The following ANK2 variants were observed in gnomAD, a reference collection of about 807,000 sequenced individuals.
ANK2 encodes the protein ankyrin 2.
A neutral mutation model predicts 360.5 loss-of-function variants in ANK2; 83 were observed. That is an observed-to-expected ratio of 0.23 (90% CI 0.19 to 0.28). The LOEUF (loss-of-function observed/expected upper bound fraction) is 0.28, where lower values mean the gene tolerates loss of function less well. Ranked by LOEUF, ANK2 falls within the 10% of genes least tolerant of loss-of-function variation. The probability of loss-of-function intolerance (pLI) is 1.00; values close to 1 mark genes in which losing one functional copy is unlikely to be tolerated. For synonymous variants in ANK2, 1,740 were observed against 1,759.5 expected (o/e 0.99, Z 0.28); for missense variants, 4,201 against 4,795.7 (o/e 0.88, Z 3.66).
intron 1 of ANK2, among the ~76,000 whole-genome samples, chr4:113,159,123 C>A (rs997796807): frequency 5.9e-5 from 9 of 151,394 alleles, no homozygotes; most frequent in African/African-American, 2.2e-4. Flanking sequence ...TTTCCACCTT[C>A]AAGTAAATTG....
At position 113,336,862 on chromosome 4, in the gene ANK2, A is replaced by G. The variant is rs1035982925; in HGVS notation, c.3796+81A>G. On this transcript the variant is annotated intron_variant, in intron 31 of 45. Coordinates refer to ENST00000357077, the MANE Select transcript of ANK2 (RefSeq NM_001148.6). ...TTGTAAATATTAAATTACCTTTGTCATAAGATGTCTGCAGGGTCATATGCA... is the reference window on the plus strand; with the variant it reads ...TTGTAAATATTAAATTACCTTTGTCGTAAGATGTCTGCAGGGTCATATGCA... 10 of 1,360,216 alleles carry G rather than the reference A, an allele frequency of 7.4e-6. No individual in the cohort carries two copies. In the South Asian group the frequency reaches 1.2e-4, roughly 16 times the overall value. 84.3% of individuals were successfully genotyped at this position (1,360,216 alleles called of 1,614,324 possible).
At chr4:113,160,211 A>C (rs943159643) in intron 1 of ANK2, 4 of 268,798 alleles carry the variant, frequency 1.5e-5, no homozygotes, top group African/African-American at 9.2e-5. Context: ...TGGATATTTG[A>C]TAGAATTATA....
intron 1 of ANK2, chr4:113,160,367 G>A (rs1035776797): frequency 4.8e-6 from 2 of 415,170 alleles, no homozygotes; most frequent in Admixed American, 5.6e-5. Flanking sequence ...CATCCAGCGG[G>A]TAAAGGAAAC....
In ANK2 at chr4:112,859,644, T is replaced by G. The variant is rs75270362; in HGVS notation, c.-40+41380T>G. ...TTTAGTTCTGCTTCCTGAATTCTCTTTAATAAAGCTTCTGTTCAGGAGCAA... is the reference window on the plus strand; with the variant it reads ...TTTAGTTCTGCTTCCTGAATTCTCTGTAATAAAGCTTCTGTTCAGGAGCAA... On this transcript the variant is annotated intron_variant, in intron 1 of 30. Coordinates refer to the ANK2 transcript ENST00000503271. Among the ~76,000 whole-genome samples, 14 of 152,322 alleles carry G rather than the reference T, an allele frequency of 9.2e-5. No homozygotes were observed. The East Asian group carries it at 2.7e-3, about 29-fold the overall frequency.
At chr4:113,031,413 G>A (rs1381115417) in intron 2 of ANK2, 1 of 152,006 alleles carries the variant, frequency 6.6e-6, no homozygotes, top group Non-Finnish European at 1.5e-5. Flanking sequence ...CTGTTGCAGG[G>A]TAATGGGCAG....
Position 113,317,827 on chromosome 4 carries a change from T to C in ANK2, c.2796+18T>C, listed in dbSNP as rs201393078. 18 of 1,597,354 alleles carry C rather than the reference T, an allele frequency of 1.1e-5. No individual in the cohort carries two copies. The African/African-American group carries it at 2.1e-4, about 19-fold the overall frequency. Reference sequence around the variant, plus strand: ...GTCACCAGGTATGTGACATTTTGCCTTCATGTCTTTGCTTTCTGGAGAGCT... The same window carrying C: ...GTCACCAGGTATGTGACATTTTGCCCTCATGTCTTTGCTTTCTGGAGAGCT... On this transcript the variant is annotated intron_variant, in intron 25 of 45. Coordinates refer to ENST00000357077, the MANE Select transcript of ANK2 (RefSeq NM_001148.6).
the ANK2 span, among the ~76,000 whole-genome samples, chr4:112,717,828 A>G: frequency 1.3e-5 from 2 of 152,154 alleles, no homozygotes; most frequent in East Asian, 1.9e-4. Flanking sequence ...GTACAAAAGT[A>G]CCAGGGCTAT....
At chr4:113,046,526 G>A (rs1196058289), upstream of ANK2, among the ~76,000 whole-genome samples, 1 of 151,980 alleles carries the variant, frequency 6.6e-6, no homozygotes, top group African/African-American at 2.4e-5. Flanking sequence ...AGGGGTGGAG[G>A]GAACTAGGTA....
intron 1 of ANK2, among the ~76,000 whole-genome samples, chr4:113,068,537 C>T (rs191511304): frequency 6.6e-6 from 1 of 152,122 alleles, no homozygotes; most frequent in Non-Finnish European, 1.5e-5. Context: ...GAAAATTGTA[C>T]AGCGAAGCAC....
chr4:113,355,996 C>G lies in ANK2; in HGVS notation c.7378C>G (p.Leu2460Val). The change falls in exon 38 of 46, where the codon CTG (leucine) becomes GTG (valine). Residue 2460 changes from leucine (L) to valine (V), a missense_variant. Physicochemically the swap from Leu to Val is conservative, Grantham distance 32 (BLOSUM62 1). Coordinates refer to ENST00000357077, the MANE Select transcript of ANK2 (RefSeq NM_001148.6). Reference protein sequence around the residue: ...KTPDSLEPSPLKESPCRDSLE... With the variant: ...KTPDSLEPSPVKESPCRDSLE... ...CCCTGATTCTCTGGAGCCAAGTCCT[C>G]TGAAAGAATCCCCTTGCCGTGACTC... 1 of 1,614,120 alleles carries G rather than the reference C, an allele frequency of 6.2e-7. No individual in the cohort carries two copies. Among genetic ancestry groups the G allele is most frequent in the Non-Finnish European group, 8.5e-7 (1 of 1,179,980 alleles).
At chr4:113,133,761 A>G (rs1321669598) in intron 1 of ANK2, among the ~76,000 whole-genome samples, 1 of 152,182 alleles carries the variant, frequency 6.6e-6, no homozygotes. Context: ...CAGCAACACC[A>G]TGAGGTAGAA....
chr4:113,092,510 C>T (rs919285320), intron 1 of ANK2, among the ~76,000 whole-genome samples: 2 of 152,172 alleles, frequency 1.3e-5, no homozygotes, highest in Non-Finnish European at 2.9e-5. Flanking sequence ...TTCCTATGCA[C>T]ACTAATGTCT....
chr4:113,185,487 T>A (rs113656555), intron 2 of ANK2, among the ~76,000 whole-genome samples: 1 of 152,250 alleles, frequency 6.6e-6, no homozygotes, highest in Admixed American at 6.5e-5. Flanking sequence ...TTTTTTCATA[T>A]GTTTGTTGGC....
At chr4:112,732,354 G>C in the ANK2 span, among the ~76,000 whole-genome samples, 1 of 72,344 alleles carries the variant, frequency 1.4e-5, no homozygotes, top group Non-Finnish European at 2.5e-5. Flanking sequence ...AAACTACTGG[G>C]CCCAACCAAT....
At chr4:112,748,150 T>C in the ANK2 span, among the ~76,000 whole-genome samples, 1 of 152,194 alleles carries the variant, frequency 6.6e-6, no homozygotes, top group Non-Finnish European at 1.5e-5. Context: ...CGAAGAGCTC[T>C]TCTTTCAAGG....
chr4:113,115,923 G>T (rs1439738796), intron 1 of ANK2, among the ~76,000 whole-genome samples: 1 of 152,184 alleles, frequency 6.6e-6, no homozygotes, highest in African/African-American at 2.4e-5. Context: ...ACAGTTGTGT[G>T]TATTGGGAAG....
intron 1 of ANK2, among the ~76,000 whole-genome samples, chr4:112,854,132 T>C (rs554415189): frequency 6.6e-6 from 1 of 152,232 alleles, no homozygotes; most frequent in Admixed American, 6.5e-5. Context: ...TGGGCACTTC[T>C]ATAGAGAAGG....
At chr4:113,118,554 A>G (rs1427620351) in intron 1 of ANK2, among the ~76,000 whole-genome samples, 1 of 152,180 alleles carries the variant, frequency 6.6e-6, no homozygotes, top group Non-Finnish European at 1.5e-5. Context: ...TTATCTCACC[A>G]CCAACTAGAT....
intron 43 of ANK2, 143 bp downstream of exon 43, chr4:113,369,948 A>C: frequency 2.1e-6 from 2 of 962,656 alleles, no homozygotes; most frequent in Non-Finnish European, 3.1e-6. Context: ...GAAACCCTCA[A>C]TCCCTTTTAA....
Sources: allele counts gnomAD v4.1 joint callset (sites outside exome capture counted in the v4.1 genomes callset), GRCh38; gene constraint gnomAD v4.1.1; transcripts MANE v1.5; gene names NCBI Gene and HGNC (gene_info 2026-07-23, HGNC 2026-07-21).